The following PROM1 variants were observed in gnomAD, a reference collection of about 807,000 sequenced individuals.
The protein encoded by PROM1 is prominin-1.
In PROM1, 105 loss-of-function variants were observed where a neutral mutation model predicts 116.9. The ratio of observed to expected loss-of-function variants is 0.90; its 90% confidence interval spans 0.77 to 1.06. PROM1 has a LOEUF of 1.06. Ranked by LOEUF, PROM1 falls within the 50% of genes least tolerant of loss-of-function variation. The probability of loss-of-function intolerance (pLI) is 0.00; values close to 1 mark genes in which losing one functional copy is unlikely to be tolerated. For missense variants in PROM1, 1,122 were observed against 1,045.2 expected, an observed-to-expected ratio of 1.07 and a Z score of -1.01; for synonymous variants, 393 against 387.0, an observed-to-expected ratio of 1.02 and a Z score of -0.18.
intron 5 of PROM1, among the ~76,000 whole-genome samples, chr4:16,033,045 T>A (rs982682226): frequency 1.3e-5 from 2 of 152,150 alleles, no homozygotes; most frequent in Non-Finnish European, 2.9e-5. Context: ...TCAGGATACC[T>A]TCAAGAGGAA....
intron 17 of PROM1, 27 bp from the exon 18 acceptor site, chr4:15,991,320 T>A (rs1185273862): frequency 6.6e-7 from 1 of 1,525,186 alleles, no homozygotes; most frequent in South Asian, 1.2e-5. Context: ...AAAAATTGTC[T>A]TATGGATATG....
intron 13 of PROM1, among the ~76,000 whole-genome samples, chr4:16,002,335 G>A (rs1225989940): frequency 6.6e-6 from 1 of 152,196 alleles, no homozygotes; most frequent in African/African-American, 2.4e-5. Flanking sequence ...TGTACCCGGT[G>A]CGTAGCTTTT....
chr4:16,075,873 C>T lies in PROM1; in HGVS notation c.34G>A (p.Gly12Arg). Residue 12 changes from glycine to arginine, a missense_variant, in exon 2 of 28, where the codon GGG (glycine) becomes AGG (arginine). Coordinates refer to ENST00000447510, the MANE Select transcript of PROM1 (RefSeq NM_006017.3). ...CCTGAAAAGGAGTTCCCGCACAGCC[C>T]CAGCAGCAACAGGGAGCCGAGTACG... Reference protein sequence around the residue: ...ALVLGSLLLLGLCGNSFSGGQ... With the variant: ...ALVLGSLLLLRLCGNSFSGGQ... 1 of 1,613,272 alleles carries T rather than the reference C, an allele frequency of 6.2e-7. No homozygotes were observed. Among genetic ancestry groups the T allele is most frequent in the Non-Finnish European group, 8.5e-7 (1 of 1,179,586 alleles).
intron 2 of PROM1, 139 bp downstream of exon 2, chr4:16,075,548 G>T: frequency 1.2e-6 from 1 of 838,456 alleles, no homozygotes; most frequent in Non-Finnish European, 1.8e-6. Flanking sequence ...CTTAACTTCT[G>T]TCTAAATGCT....
chr4:16,012,773 A>G (rs1175018197), intron 11 of PROM1, among the ~76,000 whole-genome samples: 1 of 147,642 alleles, frequency 6.8e-6, no homozygotes, highest in African/African-American at 2.5e-5. Context: ...CAGGAGGCTG[A>G]GGCAGGAGAA....
intron 13 of PROM1, among the ~76,000 whole-genome samples, chr4:16,004,708 C>A (rs1418489196): frequency 6.6e-6 from 1 of 152,178 alleles, no homozygotes; most frequent in South Asian, 2.1e-4. Flanking sequence ...TTTTGTGTAT[C>A]TGTGTACATT....
At chr4:16,006,413 G>T in intron 13 of PROM1, 125 bp downstream of exon 13, 1 of 1,185,248 alleles carries the variant, frequency 8.4e-7, no homozygotes, top group Non-Finnish European at 1.2e-6. Flanking sequence ...TCCTCCTCGC[G>T]ACCTGGGAGC....
intron 7 of PROM1, 78 bp from the exon 8 acceptor site, chr4:16,023,493 G>T: frequency 1.7e-6 from 2 of 1,171,492 alleles, no homozygotes; most frequent in Non-Finnish European, 2.4e-6. Flanking sequence ...TCTCCACACT[G>T]CCTCAAGCCC....
At chr4:15,989,935 C>A in intron 18 of PROM1, 111 bp from the exon 19 acceptor site, 1 of 811,110 alleles carries the variant, frequency 1.2e-6, no homozygotes, top group South Asian at 1.6e-5. Flanking sequence ...CATAAGCATG[C>A]AATGATGGCT....
chr4:16,018,200 A>G, intron 9 of PROM1, 123 bp downstream of exon 9: 1 of 850,580 alleles, frequency 1.2e-6, no homozygotes, highest in Non-Finnish European at 1.9e-6. Flanking sequence ...AGGCTGATAG[A>G]GGCCAGGGGC....
At chr4:16,012,016 T>G (rs1435414580) in intron 11 of PROM1, among the ~76,000 whole-genome samples, 1 of 135,712 alleles carries the variant, frequency 7.4e-6, no homozygotes, top group Non-Finnish European at 1.6e-5. Flanking sequence ...TTTGTTTTTG[T>G]TTTTTTTTGA....
At chr4:16,033,215 A>T in intron 5 of PROM1, 89 bp downstream of exon 5, 3 of 1,130,836 alleles carry the variant, frequency 2.7e-6, no homozygotes, top group Non-Finnish European at 3.7e-6. Flanking sequence ...TATTTTGTTT[A>T]GTTTTAAACT....
intron 8 of PROM1, among the ~76,000 whole-genome samples, chr4:16,019,813 C>CT (rs769651006): frequency 6.6e-6 from 1 of 152,064 alleles, no homozygotes; most frequent in Non-Finnish European, 1.5e-5. Context: ...CCCTTAAAAA[C>CT]TGGCTTCCCC....
chr4:15,987,578 T>A, intron 20 of PROM1, 85 bp downstream of exon 20: 1 of 1,358,130 alleles, frequency 7.4e-7, no homozygotes. Flanking sequence ...CAACTTAAAG[T>A]ACCTACAAAA....
chr4:16,006,883 C>T (rs139462674), intron 12 of PROM1, among the ~76,000 whole-genome samples, 193 bp from the exon 13 acceptor site: 186 of 152,250 alleles, frequency 1.2e-3, no homozygotes, highest in African/African-American at 4.3e-3. Context: ...ATTCAACCAG[C>T]GGAGAAACTT....
chr4:16,024,549 C>A (rs1348938339), intron 6 of PROM1, among the ~76,000 whole-genome samples, 191 bp from the exon 7 acceptor site: 1 of 152,098 alleles, frequency 6.6e-6, no homozygotes, highest in Non-Finnish European at 1.5e-5. Context: ...TGCTTCCTGC[C>A]CAGACACTTT....
At chr4:16,010,824 T>G (rs1456051305) in intron 11 of PROM1, among the ~76,000 whole-genome samples, 1 of 152,132 alleles carries the variant, frequency 6.6e-6, no homozygotes, top group Non-Finnish European at 1.5e-5. Context: ...TAAAGTTTGT[T>G]TTTCACATAG....
intron 12 of PROM1, 88 bp from the exon 13 acceptor site, chr4:16,006,778 A>G (rs527781745): frequency 2.8e-5 from 38 of 1,353,266 alleles, no homozygotes; most frequent in Non-Finnish European, 3.6e-5. Flanking sequence ...GGAGCCGATG[A>G]GTTATTCTTG....
Position 15,992,506 on chromosome 4 carries a change from A to T in PROM1, c.1768-115T>A, listed in dbSNP as rs559050227. 9.4e-4 allele frequency: 1,056 copies of T among 1,128,790 alleles called. 6 individuals carry two copies. The highest frequency in any genetic ancestry group is 1.2e-3 in the Non-Finnish European group (965 of 807,564). 69.9% of individuals were successfully genotyped at this position (1,128,790 alleles called of 1,614,324 possible). A position where few individuals can be genotyped will look rare whatever the true frequency, so the allele number is the denominator to read the frequency against. Reference sequence around the variant, plus strand: ...GGTGGCTCATGCCTGCAATCCTAGCACTTTGGGAGGCTGAGGTGGGAGGAT... The same window carrying T: ...GGTGGCTCATGCCTGCAATCCTAGCTCTTTGGGAGGCTGAGGTGGGAGGAT... On this transcript the variant is annotated intron_variant, in intron 16 of 27. Coordinates refer to ENST00000447510, the MANE Select transcript of PROM1 (RefSeq NM_006017.3).
Sources: gnomAD v4.1 joint callset for allele counts (sites outside exome capture counted in the v4.1 genomes callset) on GRCh38, gnomAD v4.1.1 for gene constraint, MANE v1.5 for transcripts, NCBI Gene and HGNC (gene_info 2026-07-23, HGNC 2026-07-21) for gene names.